The following RCBTB2 variants were observed in gnomAD, a reference collection of about 807,000 sequenced individuals.
The protein encoded by RCBTB2 is RCC1 and BTB domain containing protein 2, also known as RCC1 and BTB domain-containing protein 2.
In RCBTB2, 55 loss-of-function variants were observed where a neutral mutation model predicts 65.4. That is an observed-to-expected ratio of 0.84 (90% CI 0.68 to 1.05). RCBTB2 has a LOEUF of 1.05. Among genes scored for constraint, RCBTB2 ranks in the 50% least tolerant of loss-of-function variants. The pLI is 0.00. For synonymous variants in RCBTB2, 220 were observed against 255.2 expected (o/e 0.86, Z 1.31); for missense variants, 599 against 680.1 (o/e 0.88, Z 1.33).
chr13:48,499,859 G>C, intron 12 of RCBTB2, 99 bp from the exon 13 acceptor site: 1 of 1,343,296 alleles, frequency 7.4e-7, no homozygotes, highest in Non-Finnish European at 1.0e-6. Context: ...ACGCTGGCAC[G>C]TCCCTGCTGT....
At chr13:48,510,395 T>C (rs1950715173) in intron 10 of RCBTB2, among the ~76,000 whole-genome samples, 1 of 152,310 alleles carries the variant, frequency 6.6e-6, no homozygotes, top group South Asian at 2.1e-4. Context: ...TGCAGTTTGC[T>C]TAGAATAGCT....
chr13:48,530,273 C>T (rs1321663396), intron 1 of RCBTB2, among the ~76,000 whole-genome samples: 1 of 152,146 alleles, frequency 6.6e-6, no homozygotes, highest in African/African-American at 2.4e-5. Flanking sequence ...TTTACTTTAA[C>T]CAACTGATAA....
intron 14 of RCBTB2, among the ~76,000 whole-genome samples, chr13:48,495,150 G>A (rs1458005531): frequency 6.6e-6 from 1 of 152,092 alleles, no homozygotes; most frequent in Non-Finnish European, 1.5e-5. Context: ...CTGACTCGAA[G>A]ATGTTACAGC....
chr13:48,507,379 C>T (rs2052930596), intron 10 of RCBTB2, among the ~76,000 whole-genome samples: 1 of 152,190 alleles, frequency 6.6e-6, no homozygotes, highest in Admixed American at 6.5e-5. Context: ...ATTTTCCAGC[C>T]AGACATGCGA....
At chr13:48,505,762 G>GA (rs148219295) in intron 10 of RCBTB2, among the ~76,000 whole-genome samples, 3,096 of 150,644 alleles carry the variant, frequency 0.021, 112 homozygotes, top group African/African-American at 0.072. Flanking sequence ...TCTTTTCAAA[G>GA]AAAAAAAAAG....
At chr13:48,523,946 G>T (rs922027464) in intron 2 of RCBTB2, among the ~76,000 whole-genome samples, 1 of 152,144 alleles carries the variant, frequency 6.6e-6, no homozygotes, top group African/African-American at 2.4e-5. Context: ...CACATTCAAA[G>T]AAATGACATG....
rs565137778 is a variant in RCBTB2 at position 48,489,347 on chromosome 13, C to T, written c.*764G>A. The T allele has an allele frequency of 6.6e-6, 1 of 152,272 alleles. No homozygotes were observed. The highest frequency in any genetic ancestry group is 2.1e-4 in the South Asian group (1 of 4,830). 9.4% of individuals were successfully genotyped at this position (152,272 alleles called of 1,614,324 possible). ...TCTTAACACAAAGAAAAGCAAAGGA[C>T]CTTATGTGATTATGTAAGGCAGATC... On this transcript the variant is annotated 3_prime_UTR_variant, in exon 15 of 15. Transcript: ENST00000344532.
At chr13:48,507,203 G>C (rs1950548777) in intron 10 of RCBTB2, among the ~76,000 whole-genome samples, 1 of 152,222 alleles carries the variant, frequency 6.6e-6, no homozygotes, top group African/African-American at 2.4e-5. Context: ...GCGCGGATTT[G>C]GTTGGCTGCA....
chr13:48,535,058 TATTAATTTTTGTATC>T (rs1389946537), upstream of RCBTB2, among the ~76,000 whole-genome samples: 1 of 152,230 alleles, frequency 6.6e-6, no homozygotes, highest in Non-Finnish European at 1.5e-5. Flanking sequence ...AATCCTACAT[TATTAATTTTTGTATC>T]ATTAATTTTT....
In RCBTB2 at chr13:48,515,940, G is replaced by A. The variant is rs926380312; in HGVS notation, c.43-199C>T. On this transcript the variant is annotated intron_variant, in intron 4 of 14. Coordinates refer to ENST00000344532, the MANE Select transcript of RCBTB2 (RefSeq NM_001268.4). ...CACAGCCATCGAGCAGCGGAGGCCC[G>A]GATGGAACCAGGTCTCCCCTACTCA... 1.1e-4 allele frequency among the ~76,000 whole-genome samples: 16 copies of A among 152,318 alleles called. No individual in the cohort carries two copies. In the South Asian group the frequency reaches 2.1e-3, roughly 20 times the overall value.
chr13:48,501,810 G>T lies in RCBTB2; in HGVS notation c.1176C>A (p.Asp392Glu). ...ESLKREFDNP[D>E]TADLKFLVDG... ...CAACTAGAAACTTCAGGTCTGCAGTGTCCGGGTTGTCAAATTCCCTCTTCA... is the reference window on the plus strand; with the variant it reads ...CAACTAGAAACTTCAGGTCTGCAGTTTCCGGGTTGTCAAATTCCCTCTTCA... The change falls in exon 12 of 15, where the codon GAC becomes GAA. Residue 392 changes from aspartate to glutamate, a missense_variant. By Grantham distance (45) the Asp-to-Glu change is conservative. Coordinates refer to ENST00000344532, the MANE Select transcript of RCBTB2 (RefSeq NM_001268.4). 1 of 1,613,214 alleles carries T rather than the reference G, an allele frequency of 6.2e-7. No homozygotes were observed. Among genetic ancestry groups the T allele is most frequent in the Non-Finnish European group, 8.5e-7 (1 of 1,179,138 alleles).
intron 10 of RCBTB2, among the ~76,000 whole-genome samples, chr13:48,503,864 A>G: frequency 6.6e-6 from 1 of 152,206 alleles, no homozygotes; most frequent in East Asian, 1.9e-4. Flanking sequence ...ACACTTCTTA[A>G]TGGAAAACAT....
intron 13 of RCBTB2, among the ~76,000 whole-genome samples, chr13:48,498,874 G>A (rs1289625575): frequency 2.0e-5 from 3 of 151,992 alleles, no homozygotes; most frequent in African/African-American, 7.3e-5. Context: ...CCTCAGTGCA[G>A]CCATCCTTCT....
chr13:48,491,281 C>A (rs1949687405), intron 14 of RCBTB2, among the ~76,000 whole-genome samples: 2 of 151,730 alleles, frequency 1.3e-5, no homozygotes, highest in Non-Finnish European at 2.9e-5. Flanking sequence ...TGCCAATGTA[C>A]ATATAAACCT....
At chr13:48,524,200 G>A (rs7995216) in intron 2 of RCBTB2, among the ~76,000 whole-genome samples, 11,438 of 152,006 alleles carry the variant, frequency 0.075, 1,185 homozygotes, top group African/African-American at 0.22. Context: ...TGCACTACAC[G>A]TGGAGATTAC....
At chr13:48,524,447 C>T (rs962262083) in intron 2 of RCBTB2, among the ~76,000 whole-genome samples, 5 of 152,170 alleles carry the variant, frequency 3.3e-5, no homozygotes, top group African/African-American at 1.2e-4. Flanking sequence ...TCATTGCCTC[C>T]ATTTTATTCA....
chr13:48,532,820 T>G (rs1188352266), intron 1 of RCBTB2: 3 of 337,944 alleles, frequency 8.9e-6, no homozygotes, highest in African/African-American at 2.3e-5. Flanking sequence ...AGCTCTTAAC[T>G]CCCGCCAGCA....
chr13:48,511,652 G>A, intron 9 of RCBTB2, 118 bp downstream of exon 9: 2 of 822,376 alleles, frequency 2.4e-6, no homozygotes, highest in East Asian at 5.6e-5. Context: ...TTACTTTAAT[G>A]AAGACATCCA....
intron 10 of RCBTB2, chr13:48,504,336 T>C (rs1254643953): frequency 1.0e-6 from 1 of 985,318 alleles, no homozygotes; most frequent in Non-Finnish European, 1.2e-6. Context: ...ACTCCATCCA[T>C]GATTTGGCGT....
Sources: gnomAD v4.1 joint callset for allele counts (sites outside exome capture counted in the v4.1 genomes callset) on GRCh38, gnomAD v4.1.1 for gene constraint, MANE v1.5 for transcripts, NCBI Gene and HGNC (gene_info 2026-07-23, HGNC 2026-07-21) for gene names.